The following ERBB4 variants were observed in gnomAD, a reference collection of about 807,000 sequenced individuals.
ERBB4 encodes receptor tyrosine-protein kinase erbB-4.
ERBB4 carries 42 observed loss-of-function variants against 158.0 expected under a neutral mutation model. The observed-to-expected ratio is 0.27, with a 90% CI of 0.21 to 0.34. The LOEUF (loss-of-function observed/expected upper bound fraction) is 0.34, where lower values mean the gene tolerates loss of function less well. Ranked by LOEUF, ERBB4 falls within the 10% of genes least tolerant of loss-of-function variation. The pLI is 1.00. For missense variants in ERBB4, 1,333 were observed against 1,624.1 expected, an observed-to-expected ratio of 0.82 and a Z score of 3.08; for synonymous variants, 583 against 558.7, an observed-to-expected ratio of 1.04 and a Z score of -0.61.
rs13029228 is a variant in ERBB4 at position 211,701,752 on chromosome 2, G to A, written c.1489+215C>T. 0.21 allele frequency among the ~76,000 whole-genome samples: 21,066 copies of A among 100,476 alleles called. 1,851 individuals are homozygous for A. The highest frequency in any genetic ancestry group is 0.21 in the Non-Finnish European group (11,784 of 55,952). The allele number at this position is 100,476 out of a possible 152,430, so 65.9% of individuals were successfully genotyped here. On this transcript the variant is annotated intron_variant, in intron 12 of 27. Coordinates refer to ENST00000342788, the MANE Select transcript of ERBB4 (RefSeq NM_005235.3). ...GCCTGGGGCAACAGAGCGAGACTCC[G>A]TCTCAAAAAAAAAAAAAAAAAAAAA...
intron 1 of ERBB4, among the ~76,000 whole-genome samples, chr2:212,444,120 C>T (rs1484916055): frequency 5.3e-5 from 8 of 152,190 alleles, no homozygotes; most frequent in Non-Finnish European, 1.0e-4. Context: ...TCCTCTTCCC[C>T]AGCCTGCACC....
chr2:211,651,391 G>T (rs933702463), intron 16 of ERBB4, among the ~76,000 whole-genome samples: 1 of 152,156 alleles, frequency 6.6e-6, no homozygotes, highest in Admixed American at 6.6e-5. Flanking sequence ...ATATGCTCAA[G>T]TACCCAGGGT....
Position 211,507,298 on chromosome 2 carries a change from C to T in ERBB4, c.2487+54605G>A, listed in dbSNP as rs374626286. ...TCAGACTTACAAAGAAGAGCTAGTA[C>T]CTGTCCTACTGAAATTACTCTGAAA... On this transcript the variant is annotated intron_variant, in intron 20 of 27. Coordinates refer to ENST00000342788, the MANE Select transcript of ERBB4 (RefSeq NM_005235.3). 3.3e-5 allele frequency among the ~76,000 whole-genome samples: 5 copies of T among 152,248 alleles called. No individual in the cohort carries two copies. In the South Asian group the frequency reaches 8.3e-4, roughly 25 times the overall value.
intron 12 of ERBB4, among the ~76,000 whole-genome samples, chr2:211,680,547 G>A (rs1356387356): frequency 6.6e-6 from 1 of 152,162 alleles, no homozygotes; most frequent in Non-Finnish European, 1.5e-5. Context: ...ACTGAATATG[G>A]TAGTGTAATA....
At chr2:212,371,586 T>A (rs1382416255) in intron 1 of ERBB4, among the ~76,000 whole-genome samples, 1 of 152,230 alleles carries the variant, frequency 6.6e-6, no homozygotes, top group African/African-American at 2.4e-5. Flanking sequence ...ACTCATTTAT[T>A]TGTGGCCATC....
chr2:211,772,955 A>ATATATT lies in ERBB4; in HGVS notation c.556+15069_556+15070insAATATA, dbSNP rs1553630145. On this transcript the variant is annotated intron_variant, in intron 4 of 27. Transcript: ENST00000342788. ...TATATATATATATATATATATATAT[A>ATATATT]TTTTTTTTTTTAAAGATGGGGTCCT... Among the ~76,000 whole-genome samples the ATATATT allele has an allele frequency of 9.2e-4, 77 of 83,290 alleles. 4 individuals carry two copies. The highest frequency in any genetic ancestry group is 2.5e-3 in the East Asian group (6 of 2,448). 54.6% of individuals were successfully genotyped at this position (83,290 alleles called of 152,430 possible).
At chr2:212,286,020 C>T (rs1408775182) in intron 1 of ERBB4, among the ~76,000 whole-genome samples, 2 of 151,984 alleles carry the variant, frequency 1.3e-5, no homozygotes, top group South Asian at 2.1e-4. Flanking sequence ...GACATTTATT[C>T]GACACAGATA....
intron 1 of ERBB4, among the ~76,000 whole-genome samples, chr2:212,293,381 C>G (rs751452095): frequency 2.0e-5 from 3 of 151,934 alleles, no homozygotes; most frequent in African/African-American, 4.8e-5. Flanking sequence ...AATCTGATCT[C>G]ATAATTTAAT....
rs386392490 is a variant in ERBB4 at position 211,867,024 on chromosome 2, C to CAAAAAA, written c.422-78871_422-78866dup. Among the ~76,000 whole-genome samples the CAAAAAA allele has an allele frequency of 2.5e-3, 149 of 60,634 alleles. 19 individuals carry two copies. The highest frequency in any genetic ancestry group is 5.5e-3 in the African/African-American group (80 of 14,498). 39.8% of individuals were successfully genotyped at this position (60,634 alleles called of 152,430 possible). A position where few individuals can be genotyped will look rare whatever the true frequency, so the allele number is the denominator to read the frequency against. The stretch of plus-strand genomic sequence containing the variant: ...TATTAAACTCTCCATTCCTTAAAAC[C>CAAAAAA]AAAAAAAAAAAAAAAAAAAAAAAAA... On this transcript the variant is annotated intron_variant, in intron 3 of 27. Coordinates refer to ENST00000342788, the MANE Select transcript of ERBB4 (RefSeq NM_005235.3).
intron 4 of ERBB4, among the ~76,000 whole-genome samples, chr2:211,767,927 C>G (rs148548974): frequency 2.0e-3 from 308 of 152,290 alleles, no homozygotes; most frequent in African/African-American, 6.9e-3. Flanking sequence ...CCCCAAAAGT[C>G]TTAGCTCATT....
chr2:211,718,777 T>C (rs1433959163), intron 7 of ERBB4, among the ~76,000 whole-genome samples: 1 of 151,878 alleles, frequency 6.6e-6, no homozygotes, highest in African/African-American at 2.4e-5. Flanking sequence ...GATAATGTGT[T>C]TGGAATAACT....
chr2:211,484,116 T>G (rs1009987716), intron 20 of ERBB4, among the ~76,000 whole-genome samples: 1 of 151,918 alleles, frequency 6.6e-6, no homozygotes, highest in African/African-American at 2.4e-5. Flanking sequence ...GACTGATAAA[T>G]TAAAGGCACA....
rs74936236 is a variant in ERBB4, at chr2:212,432,822, C to T, written c.82+105627G>A. On this transcript the variant is annotated intron_variant, in intron 1 of 27. Transcript: ENST00000342788. Reference sequence around the variant, plus strand: ...TTAGTTTGCCCATTCACTGAAGAATCACTCATGTAATTAACTTGCCTCATC... The same window carrying T: ...TTAGTTTGCCCATTCACTGAAGAATTACTCATGTAATTAACTTGCCTCATC... Among the ~76,000 whole-genome samples, 760 of 152,214 alleles carry T rather than the reference C, an allele frequency of 5.0e-3. 11 individuals carry two copies. The highest frequency in any genetic ancestry group is 0.017 in the African/African-American group (707 of 41,556).
intron 1 of ERBB4, among the ~76,000 whole-genome samples, chr2:212,338,111 G>C (rs1174056254): frequency 1.3e-5 from 2 of 152,070 alleles, no homozygotes; most frequent in Non-Finnish European, 2.9e-5. Context: ...GTGGCAGATG[G>C]TTATCCACTT....
At chr2:211,812,445 T>G (rs2076779991) in intron 3 of ERBB4, among the ~76,000 whole-genome samples, 1 of 152,138 alleles carries the variant, frequency 6.6e-6, no homozygotes, top group Admixed American at 6.5e-5. Flanking sequence ...CTGTATGAGG[T>G]GTTAGTCGGC....
At chr2:211,768,607 G>A (rs894230579) in intron 4 of ERBB4, among the ~76,000 whole-genome samples, 1 of 152,180 alleles carries the variant, frequency 6.6e-6, no homozygotes, top group African/African-American at 2.4e-5. Context: ...TCAACACCAC[G>A]TGGAAGCTGC....
chr2:212,189,391 T>C (rs2082123114), intron 1 of ERBB4, among the ~76,000 whole-genome samples: 1 of 152,186 alleles, frequency 6.6e-6, no homozygotes, highest in Non-Finnish European at 1.5e-5. Context: ...TCACTAATTA[T>C]TCCTGGTGTC....
chr2:212,404,698 T>C lies in ERBB4; in HGVS notation c.82+133751A>G, dbSNP rs145559390. 2.8e-3 allele frequency among the ~76,000 whole-genome samples: 427 copies of C among 152,138 alleles called. 4 individuals carry two copies. Among genetic ancestry groups the C allele is most frequent in the Middle Eastern group, 6.8e-3 (2 of 294 alleles). ...GGGGTACATGTGAAGGTTTGTTACA[T>C]AAGTCAACTCGTGTCACAGAGGTTT... On this transcript the variant is annotated intron_variant, in intron 1 of 27. Transcript: ENST00000342788.
intron 1 of ERBB4, among the ~76,000 whole-genome samples, chr2:212,247,069 T>G (rs562631544): frequency 1.3e-5 from 2 of 152,258 alleles, no homozygotes; most frequent in East Asian, 1.9e-4. Context: ...TTAGTATCAA[T>G]AAATTATAGG....
Sources: gnomAD v4.1 joint callset for allele counts (sites outside exome capture counted in the v4.1 genomes callset) on GRCh38, gnomAD v4.1.1 for gene constraint, MANE v1.5 for transcripts, NCBI Gene and HGNC (gene_info 2026-07-23, HGNC 2026-07-21) for gene names.